TENM3: variants seen among roughly 807,000 people sequenced by gnomAD.
TENM3 encodes the protein teneurin-3.
A neutral mutation model predicts 255.1 loss-of-function variants in TENM3; 63 were observed. The observed-to-expected ratio is 0.25, with a 90% confidence interval of 0.20 to 0.30. The LOEUF (loss-of-function observed/expected upper bound fraction) is 0.30. Among genes scored for constraint, TENM3 ranks in the 10% least tolerant of loss-of-function variants. TENM3 has a pLI of 1.00. For missense variants in TENM3, 2,929 were observed against 3,461.1 expected (o/e 0.85, Z 3.86); for synonymous variants, 1,306 against 1,322.3 (o/e 0.99, Z 0.27).
intron 3 of TENM3, among the ~76,000 whole-genome samples, chr4:182,366,658 T>C (rs552804154): frequency 2.0e-5 from 3 of 152,276 alleles, no homozygotes; most frequent in East Asian, 3.9e-4. Flanking sequence ...TTGTGAAATA[T>C]AATAGGTTTA....
chr4:181,725,872 T>G, the TENM3 span, among the ~76,000 whole-genome samples: 1 of 152,218 alleles, frequency 6.6e-6, no homozygotes, highest in East Asian at 1.9e-4. Context: ...CTAATACCAG[T>G]ACGATAGTAT....
At chr4:181,993,239 C>T in the TENM3 span, among the ~76,000 whole-genome samples, 1 of 152,018 alleles carries the variant, frequency 6.6e-6, no homozygotes, top group Non-Finnish European at 1.5e-5. Flanking sequence ...GTTTTTTTCT[C>T]ATTTTGTTAA....
intron 3 of TENM3, among the ~76,000 whole-genome samples, chr4:182,400,569 T>A (rs1189887277): frequency 6.6e-6 from 1 of 152,242 alleles, no homozygotes; most frequent in Non-Finnish European, 1.5e-5. Context: ...AGATATAACA[T>A]CTTTGTGGAT....
the TENM3 span, among the ~76,000 whole-genome samples, chr4:182,066,160 T>C: frequency 6.6e-6 from 1 of 152,170 alleles, no homozygotes; most frequent in African/African-American, 2.4e-5. Context: ...CAACACTTTT[T>C]CCCCATTTCT....
intron 3 of TENM3, among the ~76,000 whole-genome samples, chr4:182,530,680 A>C (rs954676750): frequency 6.6e-6 from 1 of 152,132 alleles, no homozygotes; most frequent in Non-Finnish European, 1.5e-5. Context: ...CCGGGGGAAA[A>C]ATTGCTCCCA....
At chr4:182,483,658 C>A (rs767230905) in intron 3 of TENM3, among the ~76,000 whole-genome samples, 20 of 152,044 alleles carry the variant, frequency 1.3e-4, no homozygotes, top group Non-Finnish European at 2.8e-4. Flanking sequence ...TTAGTCTGTT[C>A]TCACATTGCT....
At chr4:181,748,270 C>T in the TENM3 span, among the ~76,000 whole-genome samples, 12 of 152,006 alleles carry the variant, frequency 7.9e-5, no homozygotes, top group South Asian at 1.2e-3. Flanking sequence ...TATCCAAGTG[C>T]ATGGTAGGTT....
the TENM3 span, among the ~76,000 whole-genome samples, chr4:182,121,417 G>A: frequency 6.6e-6 from 1 of 152,114 alleles, no homozygotes; most frequent in South Asian, 2.1e-4. Context: ...GCAAAATAAC[G>A]TTGGTGGCTA....
chr4:182,731,629 C>T (rs764873979), intron 16 of TENM3, among the ~76,000 whole-genome samples: 38 of 151,474 alleles, frequency 2.5e-4, no homozygotes, highest in Non-Finnish European at 5.2e-4. Context: ...AAAAAAACCA[C>T]GGATTATAGA....
At chr4:182,549,820 G>A (rs183197427) in intron 3 of TENM3, among the ~76,000 whole-genome samples, 6 of 152,268 alleles carry the variant, frequency 3.9e-5, no homozygotes, top group African/African-American at 1.2e-4. Flanking sequence ...GATAGAATAA[G>A]GGTTGTGGAA....
chr4:182,006,713 T>C, the TENM3 span, among the ~76,000 whole-genome samples: 1 of 152,140 alleles, frequency 6.6e-6, no homozygotes, highest in Non-Finnish European at 1.5e-5. Flanking sequence ...AAGGTTTTTT[T>C]CGTGTTTCTA....
chr4:182,650,706 G>T (rs1218553101), intron 5 of TENM3, among the ~76,000 whole-genome samples: 2 of 148,456 alleles, frequency 1.3e-5, no homozygotes, highest in Non-Finnish European at 3.0e-5. Flanking sequence ...AGAGTCAAGG[G>T]CATCACTAAA....
At chr4:182,352,349 G>T (rs770486914) in intron 3 of TENM3, among the ~76,000 whole-genome samples, 10 of 152,110 alleles carry the variant, frequency 6.6e-5, no homozygotes, top group Non-Finnish European at 1.3e-4. Context: ...AGACTTCAAA[G>T]ATTTTAGCAT....
chr4:181,717,847 T>A, the TENM3 span, among the ~76,000 whole-genome samples: 1 of 151,726 alleles, frequency 6.6e-6, no homozygotes, highest in Non-Finnish European at 1.5e-5. Flanking sequence ...AGGAGGGGAG[T>A]AGAGATAATG....
Position 182,680,945 on chromosome 4 carries a change from C to G in TENM3, c.1834+208C>G, listed in dbSNP as rs4862081. On this transcript the variant is annotated intron_variant, in intron 10 of 27. Transcript: ENST00000511685. The stretch of plus-strand genomic sequence containing the variant: ...AGGGCCCCTTTGCTCTTTTTCAGCA[C>G]TGTGAATCATTCCTTTTCTTCACTC... Among the ~76,000 whole-genome samples, 64,051 of 151,978 alleles carry G rather than the reference C, an allele frequency of 0.42. 15,176 individuals are homozygous for G. The highest frequency in any genetic ancestry group is 0.67 in the East Asian group (3,448 of 5,156).
At chr4:182,392,218 G>A (rs1027179155) in intron 3 of TENM3, among the ~76,000 whole-genome samples, 6 of 152,214 alleles carry the variant, frequency 3.9e-5, no homozygotes, top group African/African-American at 1.4e-4. Context: ...CATTGCTGCA[G>A]CCACCTGCTC....
chr4:181,522,464 G>C, the TENM3 span, among the ~76,000 whole-genome samples: 1 of 152,092 alleles, frequency 6.6e-6, no homozygotes, highest in Non-Finnish European at 1.5e-5. Context: ...TAAACATCTT[G>C]CTTTTAGAAA....
chr4:182,519,442 G>A (rs146218080), intron 3 of TENM3, among the ~76,000 whole-genome samples: 158 of 152,162 alleles, frequency 1.0e-3, no homozygotes, highest in African/African-American at 3.6e-3. Context: ...ATATACTCCC[G>A]TTCTGTTATT....
chr4:182,159,022 A>G (rs1309849725), intron 1 of TENM3, among the ~76,000 whole-genome samples: 7 of 152,222 alleles, frequency 4.6e-5, no homozygotes, highest in South Asian at 4.1e-4. Context: ...ATCCCATTCT[A>G]TCACTTACGT....
Sources: gnomAD v4.1 joint callset for allele counts (sites outside exome capture counted in the v4.1 genomes callset) on GRCh38, gnomAD v4.1.1 for gene constraint, MANE v1.5 for transcripts, NCBI Gene and HGNC (gene_info 2026-07-23, HGNC 2026-07-21) for gene names.